SS18: variants seen among roughly 807,000 people sequenced by gnomAD.
SS18 encodes SS18 subunit of BAF chromatin remodeling complex, also known as protein SSXT.
Under a neutral mutation model 72.5 loss-of-function variants are expected in SS18, and 28 were observed. The observed-to-expected ratio is 0.39, with a 90% CI of 0.29 to 0.53. The LOEUF (loss-of-function observed/expected upper bound fraction) is 0.53, where lower values mean the gene tolerates loss of function less well. Among genes scored for constraint, SS18 ranks in the 20% least tolerant of loss-of-function variants. The probability of loss-of-function intolerance (pLI) is 0.76; values close to 1 mark genes in which losing one functional copy is unlikely to be tolerated. For synonymous variants in SS18, 172 were observed against 164.2 expected (o/e 1.05, Z -0.37); for missense variants, 518 against 535.3 (o/e 0.97, Z 0.32).
At chr18:26,062,196 G>A (rs2054135626) in intron 3 of SS18, among the ~76,000 whole-genome samples, 2 of 152,102 alleles carry the variant, frequency 1.3e-5, no homozygotes, top group South Asian at 4.1e-4. Flanking sequence ...AGGAAACGGA[G>A]GTTGCAGTGA....
intron 4 of SS18, among the ~76,000 whole-genome samples, 194 bp from the exon 5 acceptor site, chr18:26,053,039 T>A (rs1441893824): frequency 6.6e-6 from 1 of 152,172 alleles, no homozygotes; most frequent in African/African-American, 2.4e-5. Context: ...GATTAAGAAA[T>A]TGATGCTTTT....
At chr18:26,037,504 G>GA (rs1224343961) in intron 7 of SS18, among the ~76,000 whole-genome samples, 3 of 151,798 alleles carry the variant, frequency 2.0e-5, no homozygotes, top group South Asian at 2.1e-4. Context: ...CATATGAAAA[G>GA]AAAAAACAAA....
intron 3 of SS18, among the ~76,000 whole-genome samples, chr18:26,071,736 G>T (rs1250870082): frequency 1.3e-5 from 2 of 152,116 alleles, no homozygotes; most frequent in East Asian, 3.9e-4. Context: ...GCTATGGCAG[G>T]AAGATTTCTT....
At chr18:26,018,719 T>C (rs1434963720) in intron 10 of SS18, among the ~76,000 whole-genome samples, 1 of 152,214 alleles carries the variant, frequency 6.6e-6, no homozygotes, top group East Asian at 1.9e-4. Context: ...AACTCTGATG[T>C]AATATATATA....
chr18:26,087,253 T>G (rs2054631133), intron 2 of SS18, among the ~76,000 whole-genome samples: 1 of 151,950 alleles, frequency 6.6e-6, no homozygotes, highest in Non-Finnish European at 1.5e-5. Flanking sequence ...TGTCACGGGT[T>G]GAGGGGTGGG....
chr18:26,069,484 T>C lies in SS18; in HGVS notation c.231+8592A>G, dbSNP rs117801908. Among the ~76,000 whole-genome samples the C allele has an allele frequency of 3.4e-4, 49 of 144,148 alleles. No homozygotes were observed. In the East Asian group the frequency reaches 8.2e-3, roughly 24 times the overall value. The allele number at this position is 144,148 out of a possible 152,430, so 94.6% of individuals were successfully genotyped here. ...GAAGCTTTTGAAATACTGTGACAGGTCTGCCACAAAGACCTACCAAAGTAA... is the reference window on the plus strand; with the variant it reads ...GAAGCTTTTGAAATACTGTGACAGGCCTGCCACAAAGACCTACCAAAGTAA... On this transcript the variant is annotated intron_variant, in intron 3 of 10. Transcript: ENST00000415083.
chr18:26,075,770 T>C (rs531198574), intron 3 of SS18, among the ~76,000 whole-genome samples: 24 of 151,798 alleles, frequency 1.6e-4, no homozygotes, highest in Non-Finnish European at 3.1e-4. Flanking sequence ...GGTGTAAGGA[T>C]TGACAAGAAA....
At position 26,040,778 on chromosome 18, in the gene SS18, A is replaced by G. The variant is rs554666741; in HGVS notation, c.608-1322T>C. 5.9e-5 allele frequency among the ~76,000 whole-genome samples: 9 copies of G among 152,200 alleles called. No individual in the cohort carries two copies. In the South Asian group the frequency reaches 1.0e-3, roughly 18 times the overall value. Reference sequence around the variant, plus strand: ...TTCTTTTTTCCTCCTTTTCAATTTTATTCTCATAAATGTGAATGTAAGCCT... The same window carrying G: ...TTCTTTTTTCCTCCTTTTCAATTTTGTTCTCATAAATGTGAATGTAAGCCT... On this transcript the variant is annotated intron_variant, in intron 5 of 10. Transcript: ENST00000415083.
chr18:26,021,957 C>T (rs77448981), intron 10 of SS18, among the ~76,000 whole-genome samples: 6,815 of 152,180 alleles, frequency 0.045, 301 homozygotes, highest in Admixed American at 0.14. Flanking sequence ...GAGTCAACAG[C>T]ATGGTGAACT....
chr18:26,027,880 T>C (rs990005211), intron 10 of SS18, among the ~76,000 whole-genome samples: 3 of 151,876 alleles, frequency 2.0e-5, no homozygotes, highest in Non-Finnish European at 4.4e-5. Context: ...GAGAAAATCT[T>C]TGTGACCTTC....
At chr18:26,066,631 T>C (rs1424975066) in intron 3 of SS18, among the ~76,000 whole-genome samples, 3 of 137,286 alleles carry the variant, frequency 2.2e-5, no homozygotes, top group Non-Finnish European at 3.1e-5. Context: ...CACACACACA[T>C]TTCTGTTCTT....
intron 5 of SS18, among the ~76,000 whole-genome samples, chr18:26,049,946 C>A (rs2053891920): frequency 6.6e-6 from 1 of 152,176 alleles, no homozygotes; most frequent in African/African-American, 2.4e-5. Flanking sequence ...GTTTAAGAAA[C>A]AAATTAACAT....
chr18:26,030,871 A>G (rs544597049), intron 10 of SS18, among the ~76,000 whole-genome samples: 1 of 152,322 alleles, frequency 6.6e-6, no homozygotes, highest in African/African-American at 2.4e-5. Context: ...GAATGAATCA[A>G]TGTAAACGCG....
Position 26,039,340 on chromosome 18 carries a change from T to C in SS18, c.724A>G (p.Asn242Asp). 6.2e-7 allele frequency: 1 copy of C among 1,614,006 alleles called. No individual in the cohort carries two copies. Among genetic ancestry groups the C allele is most frequent in the Non-Finnish European group, 8.5e-7 (1 of 1,179,910 alleles). The change falls in exon 6 of 11, where the codon AAT becomes GAT. Residue 242 changes from asparagine (N) to aspartate (D), a missense_variant. Transcript: ENST00000415083. The stretch of plus-strand genomic sequence containing the variant: ...ATCTGTCTCTGACCCATCATATGAT[T>C]GCCTTGGTTAACTTGACCCATCATT... ...MGMMGQVNQG[N>D]HMMGQRQIPP...
intron 5 of SS18, among the ~76,000 whole-genome samples, chr18:26,046,796 C>T (rs181393204): frequency 6.6e-6 from 1 of 152,310 alleles, no homozygotes; most frequent in African/African-American, 2.4e-5. Flanking sequence ...CAACAACAAG[C>T]TTTGCTGTAT....
chr18:26,064,223 T>C (rs2054173882), intron 3 of SS18, among the ~76,000 whole-genome samples: 1 of 152,032 alleles, frequency 6.6e-6, no homozygotes, highest in Non-Finnish European at 1.5e-5. Flanking sequence ...TTCTAAACCA[T>C]TAAGAATAAA....
chr18:26,082,950 A>C (rs2054552661), intron 2 of SS18, among the ~76,000 whole-genome samples: 1 of 152,156 alleles, frequency 6.6e-6, no homozygotes, highest in Non-Finnish European at 1.5e-5. Flanking sequence ...TTGGAGTATC[A>C]ATTCCCAGAT....
At position 26,073,652 on chromosome 18, in the gene SS18, T is replaced by G. The variant is rs111428199; in HGVS notation, c.231+4424A>C. ...ATTACTGGCTGCCACACACTTGCAGTTGAAGAAAGAAAAAGATAGTTTCAG... is the reference window on the plus strand; with the variant it reads ...ATTACTGGCTGCCACACACTTGCAGGTGAAGAAAGAAAAAGATAGTTTCAG... On this transcript the variant is annotated intron_variant, in intron 3 of 10. Coordinates refer to ENST00000415083, the MANE Select transcript of SS18 (RefSeq NM_001007559.3). Among the ~76,000 whole-genome samples, 421 of 152,286 alleles carry G rather than the reference T, an allele frequency of 2.8e-3. 2 individuals are homozygous for G. The highest frequency in any genetic ancestry group is 9.9e-3 in the African/African-American group (410 of 41,566).
At chr18:26,021,811 C>T (rs1021451919) in intron 10 of SS18, among the ~76,000 whole-genome samples, 1 of 152,154 alleles carries the variant, frequency 6.6e-6, no homozygotes, top group Admixed American at 6.5e-5. Context: ...ATAAAGAACA[C>T]AGAAAAGTTT....
Sources: gnomAD v4.1 joint callset for allele counts (sites outside exome capture counted in the v4.1 genomes callset) on GRCh38, gnomAD v4.1.1 for gene constraint, MANE v1.5 for transcripts, NCBI Gene and HGNC (gene_info 2026-07-23, HGNC 2026-07-21) for gene names.